The following EML1 variants were observed in gnomAD, a reference collection of about 807,000 sequenced individuals.
EML1 encodes the protein EMAP like 1.
Under a neutral mutation model 110.4 loss-of-function variants are expected in EML1, and 27 were observed. That is an observed-to-expected ratio of 0.24 (90% CI 0.18 to 0.34). EML1 has a LOEUF of 0.34. Ranked by LOEUF, EML1 falls within the 10% of genes least tolerant of loss-of-function variation. The pLI is 1.00. For missense variants in EML1, 741 were observed against 1,030.9 expected, an observed-to-expected ratio of 0.72 and a Z score of 3.85; for synonymous variants, 344 against 385.8, an observed-to-expected ratio of 0.89 and a Z score of 1.27.
intron 1 of EML1, among the ~76,000 whole-genome samples, chr14:99,796,610 C>T (rs1486605489): frequency 6.6e-6 from 1 of 150,660 alleles, no homozygotes; most frequent in Non-Finnish European, 1.5e-5. Context: ...CTACCTCAGT[C>T]TCTCAAGTAG....
At chr14:99,886,073 C>T (rs1349458027) in intron 4 of EML1, 3 of 269,768 alleles carry the variant, frequency 1.1e-5, no homozygotes, top group South Asian at 3.6e-5. Context: ...TCTTAAATGA[C>T]CCTATTTCTA....
chr14:99,743,492 T>C (rs2057068423), intron 1 of EML1, among the ~76,000 whole-genome samples: 1 of 152,180 alleles, frequency 6.6e-6, no homozygotes, highest in Admixed American at 6.5e-5. Flanking sequence ...CCTTCAGTAC[T>C]GTGCGATCCA....
Position 99,803,655 on chromosome 14 carries a change from G to A in EML1, c.67+10112G>A, listed in dbSNP as rs115766812. Among the ~76,000 whole-genome samples, 757 of 152,286 alleles carry A rather than the reference G, an allele frequency of 5.0e-3. 5 individuals are homozygous for A. Among genetic ancestry groups the A allele is most frequent in the African/African-American group, 0.017 (721 of 41,546 alleles). Reference sequence around the variant, plus strand: ...CAAAAAGCATTTGGTGGTTTCACTGGCTTAAAACAAATTATTTTCAGCCAA... The same window carrying A: ...CAAAAAGCATTTGGTGGTTTCACTGACTTAAAACAAATTATTTTCAGCCAA... On this transcript the variant is annotated intron_variant, in intron 1 of 21. Coordinates refer to ENST00000262233, the MANE Select transcript of EML1 (RefSeq NM_004434.3).
chr14:99,845,633 TA>T (rs901227290), intron 1 of EML1, among the ~76,000 whole-genome samples: 1 of 152,232 alleles, frequency 6.6e-6, no homozygotes, highest in Non-Finnish European at 1.5e-5. Context: ...ACTTACACAA[TA>T]TTTTTTTTGT....
intron 1 of EML1, among the ~76,000 whole-genome samples, chr14:99,765,384 C>G (rs2057357332): frequency 6.6e-6 from 1 of 152,170 alleles, no homozygotes; most frequent in Non-Finnish European, 1.5e-5. Flanking sequence ...AACCTCCCCC[C>G]ACCACGCCAG....
chr14:99,772,674 C>A (rs1201276763), upstream of EML1, among the ~76,000 whole-genome samples: 1 of 152,162 alleles, frequency 6.6e-6, no homozygotes, highest in Non-Finnish European at 1.5e-5. Context: ...TTGCTTCATA[C>A]CAGAAGTGGA....
chr14:99,937,050 G>A (rs187341221), intron 19 of EML1, among the ~76,000 whole-genome samples: 63 of 152,306 alleles, frequency 4.1e-4, no homozygotes, highest in Non-Finnish European at 7.4e-4. Flanking sequence ...TGGCTTGGCC[G>A]CATGATGCAG....
chr14:99,934,247 G>A (rs184230958), intron 17 of EML1, among the ~76,000 whole-genome samples: 2 of 152,338 alleles, frequency 1.3e-5, no homozygotes, highest in East Asian at 3.9e-4. Flanking sequence ...TTGGTTTCTG[G>A]CGTGGTCACC....
At chr14:99,756,194 C>T (rs8008914) in intron 1 of EML1, among the ~76,000 whole-genome samples, 106,020 of 152,068 alleles carry the variant, frequency 0.7, 39,377 homozygotes, top group East Asian at 0.81. Context: ...CCCCAGGAGG[C>T]GACTGCAGGT....
At chr14:99,770,779 A>ATTTTTTTTTTTTTTTTTTTTTTTTTTT (rs34744469), upstream of EML1, among the ~76,000 whole-genome samples, 47 of 91,630 alleles carry the variant, frequency 5.1e-4, 4 homozygotes, top group Middle Eastern at 7.6e-3. Context: ...GTTTCCGCTG[A>ATTTTTTTTTTTTTTTTTTTTTTTTTTT]TTTTTTTTTT....
At chr14:99,760,107 A>C (rs1018597810) in intron 1 of EML1, among the ~76,000 whole-genome samples, 203 of 149,502 alleles carry the variant, frequency 1.4e-3, no homozygotes, top group African/African-American at 4.7e-3. Context: ...AAAAAAAAAA[A>C]AAAAAAGAGC....
At position 99,878,579 on chromosome 14, in the gene EML1, T is replaced by C; in HGVS notation, c.478T>C (p.Ser160Pro). 6.2e-7 allele frequency: 1 copy of C among 1,614,022 alleles called. No homozygotes were observed. Among genetic ancestry groups the C allele is most frequent in the Non-Finnish European group, 8.5e-7 (1 of 1,179,990 alleles). ...CAGAGGAAACCGGAATCGCACAGGC[T>C]CCACCAGCAGCTCTTCCAGTGGCAA... ...DSRGNRNRTG[S>P]TSSSSSGKKN... The change falls in exon 4 of 22, where the codon TCC (serine) becomes CCC (proline). Residue 160 changes from serine to proline, a missense_variant. Around this residue, in one of 4 missense-constraint regions of EML1, gnomAD observed 226 missense variants for 255.6 expected, o/e 0.88. Transcript: ENST00000262233.
upstream of EML1, among the ~76,000 whole-genome samples, chr14:99,769,496 T>C (rs945644067): frequency 2.0e-5 from 3 of 152,174 alleles, no homozygotes; most frequent in African/African-American, 7.2e-5. Flanking sequence ...CTCCTCTCCA[T>C]TTCCAGGGAT....
chr14:99,749,066 G>A (rs1245578059), intron 1 of EML1, among the ~76,000 whole-genome samples: 1 of 152,178 alleles, frequency 6.6e-6, no homozygotes, highest in Non-Finnish European at 1.5e-5. Context: ...ACCAGTGGAC[G>A]GGCATTTGGG....
intron 10 of EML1, among the ~76,000 whole-genome samples, chr14:99,908,225 C>T (rs972867132): frequency 2.6e-5 from 4 of 152,220 alleles, no homozygotes; most frequent in African/African-American, 4.8e-5. Context: ...GAGCTAAACC[C>T]CAAATCCTTC....
rs551084110 is a variant in EML1, at chr14:99,917,952, T to C, written c.1820+103T>C. 24 of 1,150,658 alleles carry C rather than the reference T, an allele frequency of 2.1e-5. 1 individual carries two copies. In the South Asian group the frequency reaches 3.1e-4, roughly 15 times the overall value. 71.3% of individuals were successfully genotyped at this position (1,150,658 alleles called of 1,614,324 possible). On this transcript the variant is annotated intron_variant, in intron 16 of 21. Transcript: ENST00000262233. ...GGCCCCCGTTCAGCTCTTGGCTACA[T>C]GTTCGAAGCTTCTAATGACTTACCA...
At chr14:99,910,128 C>A in intron 11 of EML1, 114 bp from the exon 12 acceptor site, 1 of 706,488 alleles carries the variant, frequency 1.4e-6, no homozygotes, top group Non-Finnish European at 2.2e-6. Flanking sequence ...TGACACTATC[C>A]AGCTTGGGAC....
chr14:99,792,686 T>C (rs924605256), upstream of EML1: 1 of 152,278 alleles, frequency 6.6e-6, no homozygotes, highest in Non-Finnish European at 1.5e-5. Context: ...CACAAAGCGA[T>C]GTTTTAGCTG....
chr14:99,824,384 A>G (rs1422362054), intron 1 of EML1, among the ~76,000 whole-genome samples: 1 of 152,138 alleles, frequency 6.6e-6, no homozygotes, highest in African/African-American at 2.4e-5. Context: ...ATGTAAATCA[A>G]AATCACAATA....
Sources: gnomAD v4.1 joint callset for allele counts (sites outside exome capture counted in the v4.1 genomes callset) on GRCh38, gnomAD v4.1.1 for gene constraint, gnomAD v4.1.1 regional missense constraint, MANE v1.5 for transcripts, NCBI Gene and HGNC (gene_info 2026-07-23, HGNC 2026-07-21) for gene names.